The following ATF7IP2 variants were observed in gnomAD, a reference collection of about 807,000 sequenced individuals.
ATF7IP2 encodes the protein activating transcription factor 7-interacting protein 2.
ATF7IP2 carries 42 observed loss-of-function variants against 64.2 expected under a neutral mutation model. That is an observed-to-expected ratio of 0.65 (90% confidence interval 0.51 to 0.85). The LOEUF is 0.85. Ranked by LOEUF, ATF7IP2 falls within the 40% of genes least tolerant of loss-of-function variation. The pLI, the probability that ATF7IP2 is intolerant of heterozygous loss-of-function variation, is 0.00. For synonymous variants in ATF7IP2, 308 were observed against 272.8 expected (o/e 1.13, Z -1.27); for missense variants, 933 against 784.2 (o/e 1.19, Z -2.27).
At chr16:10,429,614 G>A (rs2048174645) in intron 4 of ATF7IP2, among the ~76,000 whole-genome samples, 1 of 152,110 alleles carries the variant, frequency 6.6e-6, no homozygotes, top group South Asian at 2.1e-4. Flanking sequence ...CTCCCAAAGT[G>A]CTAGGATTAC....
chr16:10,406,193 C>T (rs2047636224), intron 1 of ATF7IP2, among the ~76,000 whole-genome samples: 1 of 151,998 alleles, frequency 6.6e-6, no homozygotes, highest in Non-Finnish European at 1.5e-5. Flanking sequence ...ACAGCCTCGA[C>T]CTCCACAGGA....
chr16:10,423,971 C>A (rs1475514059), intron 3 of ATF7IP2, among the ~76,000 whole-genome samples: 1 of 152,214 alleles, frequency 6.6e-6, no homozygotes, highest in Non-Finnish European at 1.5e-5. Context: ...GGCTGATAGC[C>A]TTCATAGCTG....
intron 1 of ATF7IP2, chr16:10,386,619 T>C (rs1315693571): frequency 6.6e-6 from 1 of 152,158 alleles, no homozygotes; most frequent in East Asian, 1.9e-4. Flanking sequence ...CCTTGAAGTT[T>C]GTTAAAAAGT....
chr16:10,427,559 T>A (rs2048108800), intron 3 of ATF7IP2, among the ~76,000 whole-genome samples: 1 of 152,148 alleles, frequency 6.6e-6, no homozygotes, highest in African/African-American at 2.4e-5. Context: ...ATAATCAGAA[T>A]AGCATTGTTG....
chr16:10,431,583 T>C (rs1287989351), intron 5 of ATF7IP2, 128 bp downstream of exon 5: 3 of 628,608 alleles, frequency 4.8e-6, no homozygotes, highest in Non-Finnish European at 2.6e-6. Flanking sequence ...TATTTCACAG[T>C]ATCTTGTTTC....
chr16:10,438,440 A>G lies in ATF7IP2; in HGVS notation c.1095+205A>G, dbSNP rs1240698733. ...TTGGGTTTTTTTTTTTTTTTTAGAG[A>G]TGAGGTTTCACCATGTTGCCCATGC... On this transcript the variant is annotated intron_variant, in intron 7 of 13. Transcript: ENST00000562102. 3.4e-5 allele frequency among the ~76,000 whole-genome samples: 5 copies of G among 146,676 alleles called. No homozygotes were observed. In the East Asian group the frequency reaches 7.9e-4, roughly 23 times the overall value.
chr16:10,390,978 C>T lies in ATF7IP2; in HGVS notation c.-242+4856C>T, dbSNP rs573709446. Among the ~76,000 whole-genome samples, 98 of 151,742 alleles carry T rather than the reference C, an allele frequency of 6.5e-4. 1 individual carries two copies. Among genetic ancestry groups the T allele is most frequent in the African/African-American group, 2.1e-3 (88 of 41,348 alleles). ...AGGAATTTGAAGCCAGCCTGGGCAG[C>T]ATAATGAGACCCCATCGCTATGAAA... On this transcript the variant is annotated intron_variant, in intron 1 of 13. Coordinates refer to ENST00000562102, the MANE Select transcript of ATF7IP2 (RefSeq NM_001393719.1).
chr16:10,475,817 A>G (rs2049989310), intron 12 of ATF7IP2, among the ~76,000 whole-genome samples: 1 of 152,094 alleles, frequency 6.6e-6, no homozygotes, highest in African/African-American at 2.4e-5. Context: ...CACACTGATA[A>G]TAAATGTAAA....
In ATF7IP2 at chr16:10,438,142, T is replaced by G; in HGVS notation, c.1002T>G (p.Tyr334Ter). 2 of 1,598,922 alleles carry G rather than the reference T, an allele frequency of 1.3e-6. No individual in the cohort carries two copies. The highest frequency in any genetic ancestry group is 8.5e-7 in the Non-Finnish European group (1 of 1,173,754). The change falls in exon 7 of 14, where the codon TAT becomes TAG. Residue 334 changes from tyrosine (Y) to a stop codon, truncating the protein, a stop_gained. Coordinates refer to ENST00000562102, the MANE Select transcript of ATF7IP2 (RefSeq NM_001393719.1). LOFTEE classifies it high-confidence loss of function. ...LIQQEIYSINYELFDKKLKEL... is the reference protein window; with the variant it reads ...LIQQEIYSIN The stretch of plus-strand genomic sequence containing the variant: ...AGCAGGAGATCTATAGCATAAATTA[T>G]GAACTATTTGATAAGAAACTGAAAG...
Position 10,451,598 on chromosome 16 carries a change from C to T in ATF7IP2, c.1195-5774C>T, listed in dbSNP as rs187414287. 2.6e-3 allele frequency among the ~76,000 whole-genome samples: 402 copies of T among 151,890 alleles called. 4 individuals carry two copies. Among genetic ancestry groups the T allele is most frequent in the African/African-American group, 9.1e-3 (377 of 41,434 alleles). ...CTTCAATCTCTGATATCCTTTCTTC[C>T]GCTTGATCAGTTCAGCTGTTAATAC... On this transcript the variant is annotated intron_variant, in intron 8 of 13. Transcript: ENST00000562102.
At chr16:10,403,882 C>G (rs1471997485) in intron 1 of ATF7IP2, among the ~76,000 whole-genome samples, 2 of 152,106 alleles carry the variant, frequency 1.3e-5, no homozygotes, top group African/African-American at 2.4e-5. Flanking sequence ...TTAAATTAAC[C>G]TAGTGAGACA....
At chr16:10,476,494 G>A (rs1205384616) in intron 12 of ATF7IP2, among the ~76,000 whole-genome samples, 2 of 151,976 alleles carry the variant, frequency 1.3e-5, no homozygotes, top group African/African-American at 2.4e-5. Context: ...TTGTGTGTGT[G>A]TGTGTTTTTT....
Position 10,440,548 on chromosome 16 carries a change from A to T in ATF7IP2, c.1194+86A>T. On this transcript the variant is annotated intron_variant, in intron 8 of 13. Transcript: ENST00000562102. ...GAAGAAATGAATATATTTCCAGGCTAGGACAGAAGGTGTAAAGGTAAGTAA... is the reference window on the plus strand; with the variant it reads ...GAAGAAATGAATATATTTCCAGGCTTGGACAGAAGGTGTAAAGGTAAGTAA... 9 of 780,536 alleles carry T rather than the reference A, an allele frequency of 1.2e-5. No homozygotes were observed. The South Asian group carries it at 1.6e-4, about 14-fold the overall frequency. 48.4% of individuals were successfully genotyped at this position (780,536 alleles called of 1,614,324 possible). A position where few individuals can be genotyped will look rare whatever the true frequency, so the allele number is the denominator to read the frequency against.
chr16:10,455,707 G>A (rs545667901), intron 8 of ATF7IP2, among the ~76,000 whole-genome samples: 9 of 152,286 alleles, frequency 5.9e-5, no homozygotes, highest in East Asian at 3.9e-4. Flanking sequence ...AAGACTGCCC[G>A]TGGAGGTTAA....
At chr16:10,390,747 C>T (rs1038855753) in intron 1 of ATF7IP2, among the ~76,000 whole-genome samples, 1 of 152,084 alleles carries the variant, frequency 6.6e-6, no homozygotes, top group Admixed American at 6.6e-5. Flanking sequence ...TGTGTTCATG[C>T]CACTGCACTC....
Position 10,431,232 on chromosome 16 carries a change from C to T in ATF7IP2, c.612C>T (p.Asn204=), listed in dbSNP as rs776974973. 1.5e-5 allele frequency: 24 copies of T among 1,614,038 alleles called. No individual in the cohort carries two copies. In the African/African-American group the frequency reaches 2.8e-4, roughly 19 times the overall value. The change falls in exon 5 of 14, where the codon AAC becomes AAT. Residue 204 remains asparagine (N), a synonymous_variant. Coordinates refer to ENST00000562102, the MANE Select transcript of ATF7IP2 (RefSeq NM_001393719.1). Reference sequence around the variant, plus strand: ...AGATGGTTTTCCATTTAGAAACAAACTCCAATTCAGAATCACATGATAAAA... The same window carrying T: ...AGATGGTTTTCCATTTAGAAACAAATTCCAATTCAGAATCACATGATAAAA... ...TDQMVFHLET[N]SNSESHDKRQ...
At chr16:10,448,892 T>C (rs1355382954) in intron 8 of ATF7IP2, 1 of 152,198 alleles carries the variant, frequency 6.6e-6, no homozygotes, top group East Asian at 1.9e-4. Flanking sequence ...TTGTGCCAGT[T>C]TTCAAAGGGA....
At chr16:10,449,424 A>T (rs1478705738) in intron 8 of ATF7IP2, 1 of 152,206 alleles carries the variant, frequency 6.6e-6, no homozygotes, top group Non-Finnish European at 1.5e-5. Flanking sequence ...TTTGGCTGTG[A>T]ATCCATCTGG....
chr16:10,449,687 C>G lies in ATF7IP2; in HGVS notation c.1195-7685C>G, dbSNP rs181499693. 1.9e-3 allele frequency: 292 copies of G among 152,100 alleles called. 1 individual carries two copies. Among genetic ancestry groups the G allele is most frequent in the African/African-American group, 6.7e-3 (280 of 41,486 alleles). The allele number at this position is 152,100 out of a possible 1,614,324, so 9.4% of individuals were successfully genotyped here. On this transcript the variant is annotated intron_variant, in intron 8 of 13. Coordinates refer to ENST00000562102, the MANE Select transcript of ATF7IP2 (RefSeq NM_001393719.1). ...GATTTTTTATTGTGTCTATTTGATT[C>G]TTCTGTCTTTTCTTCTTTATTAGTC... is the stretch of plus-strand genomic sequence containing the variant.
Sources: gnomAD v4.1 joint callset for allele counts (sites outside exome capture counted in the v4.1 genomes callset) on GRCh38, gnomAD v4.1.1 for gene constraint, MANE v1.5 for transcripts, NCBI Gene and HGNC (gene_info 2026-07-23, HGNC 2026-07-21) for gene names.